Variants in FAM20C observed in about 807,000 individuals in gnomAD.
The protein encoded by FAM20C is FAM20C golgi associated secretory pathway kinase.
In FAM20C, 40 loss-of-function variants were observed where a neutral mutation model predicts 51.5. The ratio of observed to expected loss-of-function variants is 0.78; its 90% confidence interval spans 0.60 to 1.01. FAM20C has a LOEUF of 1.01. FAM20C is among the 50% of genes least tolerant of loss of function. The pLI is 0.00. For synonymous variants in FAM20C, 406 were observed against 380.6 expected (o/e 1.07, Z -0.78); for missense variants, 861 against 844.7 (o/e 1.02, Z -0.24).
intron 3 of FAM20C, among the ~76,000 whole-genome samples, chr7:217,054 C>T (rs1245611256): frequency 6.6e-6 from 1 of 152,158 alleles, no homozygotes; most frequent in Non-Finnish European, 1.5e-5. Flanking sequence ...GACCCAGGCA[C>T]AGCTCCGGGG....
chr7:207,621 G>C lies in FAM20C; in HGVS notation c.785-1277G>C, dbSNP rs536566521. Among the ~76,000 whole-genome samples, 4 of 152,364 alleles carry C rather than the reference G, an allele frequency of 2.6e-5. No homozygotes were observed. In the South Asian group the frequency reaches 8.3e-4, roughly 32 times the overall value. ...ACCCCACCACGTTCCATTTACGTCT[G>C]TGCCGGCAGGGATGCCCGGCTCTTG... On this transcript the variant is annotated intron_variant, in intron 2 of 9. Coordinates refer to ENST00000313766, the MANE Select transcript of FAM20C (RefSeq NM_020223.4).
rs372340182 is a variant in FAM20C at position 242,873 on chromosome 7, G to A, written c.864-3542G>A. On this transcript the variant is annotated intron_variant, in intron 3 of 9. Transcript: ENST00000313766. ...CACCAAGGGGCAGGCTCAGAGGGAC[G>A]TGGAGTGGCTGTGTGTCCAGGGGAC... Among the ~76,000 whole-genome samples, 8 of 152,174 alleles carry A rather than the reference G, an allele frequency of 5.3e-5. No individual in the cohort carries two copies. The East Asian group carries it at 1.4e-3, about 26-fold the overall frequency.
chr7:235,229 G>A (rs1787812713), intron 3 of FAM20C, among the ~76,000 whole-genome samples: 1 of 152,016 alleles, frequency 6.6e-6, no homozygotes, highest in Non-Finnish European at 1.5e-5. Flanking sequence ...ACTGAGCCCA[G>A]GCTGTGGCAT....
intron 2 of FAM20C, among the ~76,000 whole-genome samples, chr7:201,249 A>T (rs1786114804): frequency 1.3e-5 from 2 of 152,210 alleles, no homozygotes; most frequent in East Asian, 3.9e-4. Flanking sequence ...CCAAGGACAG[A>T]CGCTGGCCCT....
intron 3 of FAM20C, among the ~76,000 whole-genome samples, chr7:216,652 AGT>A (rs955778664): frequency 8.3e-4 from 88 of 105,438 alleles, no homozygotes; most frequent in African/African-American, 2.3e-3. Context: ...AGTGTGTGTG[AGT>A]GTGTGTGTGA....
chr7:249,341 T>G (rs1192466907), intron 5 of FAM20C, among the ~76,000 whole-genome samples: 3 of 152,264 alleles, frequency 2.0e-5, no homozygotes, highest in Non-Finnish European at 2.9e-5. Flanking sequence ...AATAGATGTC[T>G]TTGTTGGTGC....
rs544279928 is a variant in FAM20C at position 228,903 on chromosome 7, C to G, written c.864-17512C>G. ...ACGCTGGGGATTCCTCCTCCTCAAA[C>G]TCAGCACTGGGAGCCCCTTCCAAGA... On this transcript the variant is annotated intron_variant, in intron 3 of 9. Coordinates refer to ENST00000313766, the MANE Select transcript of FAM20C (RefSeq NM_020223.4). 7.0e-6 allele frequency: 3 copies of G among 431,050 alleles called. No homozygotes were observed. The East Asian group carries it at 2.1e-4, about 31-fold the overall frequency. The allele number at this position is 431,050 out of a possible 1,614,324, so 26.7% of individuals were successfully genotyped here. A position where few individuals can be genotyped will look rare whatever the true frequency, so the allele number is the denominator to read the frequency against.
chr7:208,295 GT>G (rs757994454), intron 2 of FAM20C, among the ~76,000 whole-genome samples: 2 of 151,676 alleles, frequency 1.3e-5, no homozygotes, highest in Non-Finnish European at 2.9e-5. Context: ...ACACCTGGCC[GT>G]CCCGTCGAGA....
At chr7:223,862 C>T (rs538205539) in intron 3 of FAM20C, among the ~76,000 whole-genome samples, 51 of 152,318 alleles carry the variant, frequency 3.3e-4, no homozygotes, top group Admixed American at 2.5e-3. Context: ...TCTATGGGGT[C>T]CCCTGCCCCA....
intron 3 of FAM20C, among the ~76,000 whole-genome samples, chr7:218,000 G>T (rs373630472): frequency 6.6e-6 from 1 of 152,148 alleles, no homozygotes; most frequent in Non-Finnish European, 1.5e-5. Context: ...GCCCGTCCCC[G>T]TCGGCCCCGG....
At chr7:209,119 A>T in intron 3 of FAM20C, 143 bp downstream of exon 3, 3 of 790,510 alleles carry the variant, frequency 3.8e-6, no homozygotes, top group Non-Finnish European at 6.2e-6. Flanking sequence ...TCTCCCCGTC[A>T]TGGCAAACGA....
At chr7:241,745 TTC>T (rs1314406780) in intron 3 of FAM20C, among the ~76,000 whole-genome samples, 60 of 151,874 alleles carry the variant, frequency 4.0e-4, no homozygotes, top group Admixed American at 1.0e-3. Flanking sequence ...GTGTGTGTGT[TTC>T]TGAGTGTGCA....
intron 3 of FAM20C, among the ~76,000 whole-genome samples, chr7:220,142 C>T (rs28688036): frequency 0.32 from 49,220 of 152,152 alleles, 8,122 homozygotes; most frequent in East Asian, 0.51. Context: ...TTGGAAGCTG[C>T]CGGGACCCCC....
chr7:214,861 C>T (rs1035882874), intron 3 of FAM20C, among the ~76,000 whole-genome samples: 1 of 152,148 alleles, frequency 6.6e-6, no homozygotes, highest in Non-Finnish European at 1.5e-5. Context: ...GGCGGCTGCC[C>T]ATGACACTGG....
intron 2 of FAM20C, among the ~76,000 whole-genome samples, chr7:200,428 T>C (rs1359356089): frequency 6.6e-6 from 1 of 152,082 alleles, no homozygotes; most frequent in African/African-American, 2.4e-5. Flanking sequence ...GGCAAATAGC[T>C]CAGTCCGCAC....
At position 193,339 on chromosome 7, in the gene FAM20C, C is replaced by G; in HGVS notation, c.140C>G (p.Ser47Trp). ...CGGCCCTCGGGGGAGCCCGGCTGTT[C>G]GTGCGCGCAGCCCGCCGCCGAGGTG... ...GARPSGEPGC[S>W]CAQPAAEVAA... The change falls in exon 1 of 10, where the codon TCG (serine) becomes TGG (tryptophan). Residue 47 changes from serine (S) to tryptophan (W), a missense_variant. Coordinates refer to ENST00000313766, the MANE Select transcript of FAM20C (RefSeq NM_020223.4). The G allele has an allele frequency of 7.5e-7, 1 of 1,329,330 alleles. No homozygotes were observed. Among genetic ancestry groups the G allele is most frequent in the Non-Finnish European group, 9.7e-7 (1 of 1,033,492 alleles). 82.3% of individuals were successfully genotyped at this position (1,329,330 alleles called of 1,614,324 possible). A position where few individuals can be genotyped will look rare whatever the true frequency, so the allele number is the denominator to read the frequency against.
intron 1 of FAM20C, 191 bp from the exon 2 acceptor site, chr7:195,354 CGTGTTATTA>C: frequency 2.2e-6 from 1 of 451,992 alleles, no homozygotes; most frequent in African/African-American, 2.0e-5. Flanking sequence ...GGCCTTTCAC[CGTGTTATTA>C]GTTGGCAGCC....
rs140489559 is a variant in FAM20C at position 260,211 on chromosome 7, G to A, written c.*231G>A. The A allele has an allele frequency of 6.0e-3, 3,097 of 517,174 alleles. 90 individuals carry two copies. The highest frequency in any genetic ancestry group is 0.055 in the African/African-American group (2,838 of 51,728). The allele number at this position is 517,174 out of a possible 1,614,324, so 32.0% of individuals were successfully genotyped here. ...GCTGTCTGTGCTCACGGACAGAGGC[G>A]GCCGGCGCCGGAGGCATTCCATCCT... On this transcript the variant is annotated 3_prime_UTR_variant, in exon 10 of 10. Coordinates refer to ENST00000313766, the MANE Select transcript of FAM20C (RefSeq NM_020223.4).
intron 2 of FAM20C, among the ~76,000 whole-genome samples, chr7:200,745 G>A (rs973998007): frequency 3.3e-5 from 5 of 152,332 alleles, no homozygotes; most frequent in Non-Finnish European, 5.9e-5. Context: ...TGAGGGTGGT[G>A]TGTGATGGAC....
Sources: allele counts gnomAD v4.1 joint callset (sites outside exome capture counted in the v4.1 genomes callset), GRCh38; gene constraint gnomAD v4.1.1; transcripts MANE v1.5; gene names NCBI Gene and HGNC (gene_info 2026-07-23, HGNC 2026-07-21).